PCDH9: variants seen among roughly 807,000 people sequenced by gnomAD.
The protein encoded by PCDH9 is protocadherin-9.
In PCDH9, 24 loss-of-function variants were observed where a neutral mutation model predicts 70.6. The observed-to-expected ratio is 0.34, with a 90% CI of 0.25 to 0.48. The LOEUF is 0.48. PCDH9 is among the 20% of genes least tolerant of loss of function. PCDH9 has a pLI of 0.99. For synonymous variants in PCDH9, 562 were observed against 558.5 expected, an observed-to-expected ratio of 1.01 and a Z score of -0.09; for missense variants, 1,281 against 1,503.6, an observed-to-expected ratio of 0.85 and a Z score of 2.45.
At chr13:66,927,171 G>T (rs1228536812) in intron 2 of PCDH9, among the ~76,000 whole-genome samples, 1 of 152,014 alleles carries the variant, frequency 6.6e-6, no homozygotes, top group East Asian at 1.9e-4. Context: ...TCATTTGCTA[G>T]GGCTGCCATA....
chr13:67,065,290 T>C (rs1247223248), intron 2 of PCDH9, among the ~76,000 whole-genome samples: 3 of 152,174 alleles, frequency 2.0e-5, no homozygotes, highest in African/African-American at 7.2e-5. Flanking sequence ...AGCTCAGCTT[T>C]GGTCATTTGC....
intron 3 of PCDH9, among the ~76,000 whole-genome samples, chr13:66,821,847 G>A (rs77422219): frequency 9.2e-5 from 14 of 152,052 alleles, no homozygotes; most frequent in Admixed American, 5.9e-4. Flanking sequence ...TGTTAATTTT[G>A]CCTGGAGACA....
chr13:67,049,115 C>A (rs945573286), intron 2 of PCDH9, among the ~76,000 whole-genome samples: 1 of 152,132 alleles, frequency 6.6e-6, no homozygotes, highest in Non-Finnish European at 1.5e-5. Flanking sequence ...CTTCCGTAAT[C>A]AGTACTTCTT....
intron 4 of PCDH9, among the ~76,000 whole-genome samples, chr13:66,532,917 T>TA (rs940716373): frequency 4.6e-5 from 7 of 152,144 alleles, no homozygotes; most frequent in Non-Finnish European, 1.0e-4. Flanking sequence ...CATAATTTTC[T>TA]AAAAAATGGC....
At chr13:66,497,509 A>G (rs1473525585) in intron 4 of PCDH9, among the ~76,000 whole-genome samples, 1 of 152,194 alleles carries the variant, frequency 6.6e-6, no homozygotes, top group East Asian at 1.9e-4. Flanking sequence ...CACACAGTCA[A>G]TATAAATCTG....
chr13:66,789,986 T>C (rs186278376), intron 3 of PCDH9, among the ~76,000 whole-genome samples: 2 of 152,194 alleles, frequency 1.3e-5, no homozygotes, highest in East Asian at 3.9e-4. Flanking sequence ...AGGGCATCTA[T>C]CTTCTAATGC....
At chr13:66,963,797 T>C (rs2083388254) in intron 2 of PCDH9, among the ~76,000 whole-genome samples, 1 of 152,132 alleles carries the variant, frequency 6.6e-6, no homozygotes, top group South Asian at 2.1e-4. Context: ...TCCAATGAAA[T>C]ATGGGTTTAT....
At chr13:66,767,739 A>G (rs2079741700) in intron 3 of PCDH9, among the ~76,000 whole-genome samples, 1 of 152,244 alleles carries the variant, frequency 6.6e-6, no homozygotes, top group Non-Finnish European at 1.5e-5. Flanking sequence ...CTGAAGTAAT[A>G]AAAGAACATC....
intron 4 of PCDH9, among the ~76,000 whole-genome samples, chr13:66,477,135 T>C (rs1958744816): frequency 6.6e-6 from 1 of 152,134 alleles, no homozygotes; most frequent in Non-Finnish European, 1.5e-5. Flanking sequence ...TGTGCATGTC[T>C]GTCTAACGAG....
At chr13:66,434,620 G>C (rs1190313653) in intron 4 of PCDH9, among the ~76,000 whole-genome samples, 1 of 151,898 alleles carries the variant, frequency 6.6e-6, no homozygotes, top group East Asian at 1.9e-4. Context: ...TATAGTACTT[G>C]GAATGGTCAT....
intron 4 of PCDH9, among the ~76,000 whole-genome samples, chr13:66,371,489 T>C (rs187359748): frequency 3.5e-4 from 54 of 152,238 alleles, no homozygotes; most frequent in African/African-American, 1.3e-3. Flanking sequence ...TAAAGCTTTG[T>C]CCTTTGTTGG....
chr13:67,075,030 A>G (rs1462179084), intron 2 of PCDH9, among the ~76,000 whole-genome samples: 1 of 151,846 alleles, frequency 6.6e-6, no homozygotes, highest in Admixed American at 6.6e-5. Flanking sequence ...ATCAATTGTC[A>G]TGGGTACTTC....
intron 3 of PCDH9, among the ~76,000 whole-genome samples, chr13:66,720,799 C>A (rs998528476): frequency 6.6e-6 from 1 of 151,834 alleles, no homozygotes; most frequent in Non-Finnish European, 1.5e-5. Flanking sequence ...CACAATAAAT[C>A]CCAAGAGAGA....
At chr13:66,663,600 A>G (rs1187580145) in intron 3 of PCDH9, among the ~76,000 whole-genome samples, 1 of 152,224 alleles carries the variant, frequency 6.6e-6, no homozygotes, top group Non-Finnish European at 1.5e-5. Context: ...TTATCTGCAT[A>G]TATCTTGACA....
At chr13:66,585,639 A>G (rs561964080) in intron 4 of PCDH9, among the ~76,000 whole-genome samples, 1 of 152,304 alleles carries the variant, frequency 6.6e-6, no homozygotes, top group Admixed American at 6.5e-5. Context: ...GCATTGTCAT[A>G]AAATGAAAAT....
intron 3 of PCDH9, among the ~76,000 whole-genome samples, chr13:66,732,686 A>G (rs2079093778): frequency 6.6e-6 from 1 of 152,040 alleles, no homozygotes; most frequent in Non-Finnish European, 1.5e-5. Flanking sequence ...TATATCTCCA[A>G]ATTATGTTCA....
intron 4 of PCDH9, among the ~76,000 whole-genome samples, chr13:66,600,329 C>T (rs755968321): frequency 6.6e-6 from 1 of 151,790 alleles, no homozygotes; most frequent in African/African-American, 2.4e-5. Flanking sequence ...TTTAGAACCA[C>T]GAAGTCTACT....
intron 4 of PCDH9, among the ~76,000 whole-genome samples, chr13:66,370,380 T>C (rs1163153602): frequency 6.6e-6 from 1 of 152,098 alleles, no homozygotes; most frequent in Admixed American, 6.6e-5. Context: ...ACTTTCCCAT[T>C]GTTTACCCCT....
intron 4 of PCDH9, among the ~76,000 whole-genome samples, chr13:66,463,655 C>T (rs547915804): frequency 4.0e-5 from 6 of 151,708 alleles, no homozygotes; most frequent in Non-Finnish European, 8.8e-5. Flanking sequence ...TTGTGGACCA[C>T]ACTTTGAGGA....
Sources: gnomAD v4.1 joint callset for allele counts (sites outside exome capture counted in the v4.1 genomes callset) on GRCh38, gnomAD v4.1.1 for gene constraint, MANE v1.5 for transcripts, NCBI Gene and HGNC (gene_info 2026-07-23, HGNC 2026-07-21) for gene names.